DZIP3: variants seen among roughly 807,000 people sequenced by gnomAD.
The protein encoded by DZIP3 is DAZ interacting zinc finger protein 3.
DZIP3 carries 118 observed loss-of-function variants against 162.0 expected under a neutral mutation model. The observed-to-expected ratio is 0.73, with a 90% CI of 0.63 to 0.85. The LOEUF (loss-of-function observed/expected upper bound fraction) is 0.85, where lower values mean the gene tolerates loss of function less well. DZIP3 is among the 40% of genes least tolerant of loss of function. The pLI is 0.00. For synonymous variants in DZIP3, 438 were observed against 458.6 expected (o/e 0.96, Z 0.57); for missense variants, 1,331 against 1,407.0 (o/e 0.95, Z 0.86).
rs763550402 is a variant in DZIP3, at chr3:108,629,168, A to T, written c.688A>T (p.Thr230Ser). Reference sequence around the variant, plus strand: ...TACAGAAGATGAAGATTTACCTACAACTTTTAAAGTAAGAAATTATTTAAG... The same window carrying T: ...TACAGAAGATGAAGATTTACCTACATCTTTTAAAGTAAGAAATTATTTAAG... Reference protein sequence around the residue: ...DPTEDEDLPTTFKDLLNNFIK... With the variant: ...DPTEDEDLPTSFKDLLNNFIK... The change falls in exon 8 of 33, where the codon ACT becomes TCT. Residue 230 changes from threonine to serine, a missense_variant. Thr to Ser is a moderately conservative substitution (Grantham distance 58). This residue lies in a region of DZIP3 where 1,278 missense variants were observed against 1,317.1 expected (regional missense o/e 0.97). Coordinates refer to ENST00000361582, the MANE Select transcript of DZIP3 (RefSeq NM_014648.4). 3.2e-6 allele frequency: 5 copies of T among 1,561,222 alleles called. No homozygotes were observed. In the African/African-American group the frequency reaches 6.9e-5, roughly 22 times the overall value.
intron 4 of DZIP3, 116 bp downstream of exon 4, chr3:108,611,445 C>T (rs1347005542): frequency 7.8e-7 from 1 of 1,282,834 alleles, no homozygotes; most frequent in East Asian, 2.6e-5. Flanking sequence ...AAATCTCCAT[C>T]TTACTTCTTG....
intron 19 of DZIP3, among the ~76,000 whole-genome samples, chr3:108,657,683 A>G (rs1181267360): frequency 6.6e-6 from 1 of 152,238 alleles, no homozygotes; most frequent in East Asian, 1.9e-4. Flanking sequence ...CAATTAAAAG[A>G]CACAGAGTGG....
chr3:108,615,661 T>C (rs570103447), intron 4 of DZIP3, among the ~76,000 whole-genome samples: 1 of 152,268 alleles, frequency 6.6e-6, no homozygotes, highest in Admixed American at 6.5e-5. Flanking sequence ...AACCAAGCCG[T>C]TGTGGGTAGA....
chr3:108,623,957 C>T (rs1448831037), intron 5 of DZIP3, among the ~76,000 whole-genome samples: 3 of 152,206 alleles, frequency 2.0e-5, no homozygotes, highest in Non-Finnish European at 4.4e-5. Flanking sequence ...AGCGCAGATT[C>T]TCTCTCCATG....
intron 1 of DZIP3, among the ~76,000 whole-genome samples, chr3:108,597,962 A>G (rs905698641): frequency 2.6e-5 from 4 of 152,130 alleles, no homozygotes; most frequent in African/African-American, 9.7e-5. Flanking sequence ...GGTGTGAACT[A>G]TTGTCCATTT....
At chr3:108,678,233 C>T (rs1298171430) in intron 26 of DZIP3, among the ~76,000 whole-genome samples, 1 of 151,648 alleles carries the variant, frequency 6.6e-6, no homozygotes, top group Non-Finnish European at 1.5e-5. Flanking sequence ...AAGCTTGGGG[C>T]TCCCACTAAT....
intron 7 of DZIP3, 25 bp from the exon 8 acceptor site, chr3:108,629,037 A>C (rs370949846): frequency 2.7e-6 from 4 of 1,472,366 alleles, no homozygotes; most frequent in Non-Finnish European, 3.7e-6. Flanking sequence ...CGTTCAAACT[A>C]ACCTTATTTT....
chr3:108,648,197 G>T, intron 16 of DZIP3, 85 bp downstream of exon 16: 1 of 1,290,614 alleles, frequency 7.7e-7, no homozygotes, highest in Non-Finnish European at 1.0e-6. Flanking sequence ...AAGCATCCCA[G>T]ATAATTTTAG....
chr3:108,606,877 A>C (rs1220927965), intron 2 of DZIP3, among the ~76,000 whole-genome samples: 1 of 152,178 alleles, frequency 6.6e-6, no homozygotes, highest in Non-Finnish European at 1.5e-5. Context: ...AAAGCTTCAC[A>C]GTTGATTTTA....
At position 108,690,653 on chromosome 3, in the gene DZIP3, G is replaced by C. The variant is rs28558318; in HGVS notation, c.3517-134G>C. On this transcript the variant is annotated intron_variant, in intron 31 of 32. Coordinates refer to ENST00000361582, the MANE Select transcript of DZIP3 (RefSeq NM_014648.4). ...GAAGGTGCCATGGTTGCAGCAATTG[G>C]TTTGACGATCCACAGCGTAAGGCTT... The C allele has an allele frequency of 5.5e-3, 4,031 of 732,222 alleles. 124 individuals are homozygous for C. In the African/African-American group the frequency reaches 0.065, roughly 12 times the overall value. 45.4% of individuals were successfully genotyped at this position (732,222 alleles called of 1,614,324 possible). A position where few individuals can be genotyped will look rare whatever the true frequency, so the allele number is the denominator to read the frequency against.
chr3:108,635,313 G>C, intron 10 of DZIP3: 1 of 249,706 alleles, frequency 4.0e-6, no homozygotes, highest in Non-Finnish European at 7.9e-6. Flanking sequence ...ATGCACATAG[G>C]ATCATAGAAT....
At position 108,690,889 on chromosome 3, in the gene DZIP3, A is replaced by G. The variant is rs751865193; in HGVS notation, c.3619A>G (p.Lys1207Glu). 7.4e-6 allele frequency: 12 copies of G among 1,614,116 alleles called. No homozygotes were observed. The highest frequency in any genetic ancestry group is 1.0e-5 in the Non-Finnish European group (12 of 1,179,962). The change falls in exon 32 of 33, where the codon AAG (lysine) becomes GAG (glutamate). Residue 1207 changes from lysine (K) to glutamate (E), a missense_variant. Lys to Glu is a moderately conservative substitution (Grantham distance 56, BLOSUM62 1). Coordinates refer to ENST00000361582, the MANE Select transcript of DZIP3 (RefSeq NM_014648.4). ...TGGTCACCCCAGCCGGCAGTTGCCC[A>G]AGATCTGATACAAGGTCGGGGTGTC... The part of the protein sequence containing the change: ...FPGHPSRQLP[K>E]I
At chr3:108,624,776 C>T (rs1038436952) in intron 6 of DZIP3, among the ~76,000 whole-genome samples, 5 of 151,900 alleles carry the variant, frequency 3.3e-5, no homozygotes, top group Admixed American at 3.3e-4. Context: ...AATCGTATCC[C>T]TTTTGTAAAA....
chr3:108,599,314 CTGTA>C (rs1939870023), intron 1 of DZIP3, among the ~76,000 whole-genome samples: 1 of 152,128 alleles, frequency 6.6e-6, no homozygotes, highest in South Asian at 2.1e-4. Flanking sequence ...AATAAGCAAA[CTGTA>C]TGTTCTTTGG....
At chr3:108,616,495 G>T in intron 4 of DZIP3, 46 bp from the exon 5 acceptor site, 1 of 1,288,216 alleles carries the variant, frequency 7.8e-7, no homozygotes, top group Admixed American at 2.0e-5. Flanking sequence ...ATATGTAGAT[G>T]TTTGTTCAGA....
rs909388542 is a variant in DZIP3 at position 108,616,081 on chromosome 3, G to A, written c.259-460G>A. The stretch of plus-strand genomic sequence containing the variant: ...AGACCAAGACCATCCTAGCTAAAAT[G>A]GTGAAACCCCATCTCTACTAAAAAT... On this transcript the variant is annotated intron_variant, in intron 4 of 32. Coordinates refer to ENST00000361582, the MANE Select transcript of DZIP3 (RefSeq NM_014648.4). Among the ~76,000 whole-genome samples, 16 of 152,254 alleles carry A rather than the reference G, an allele frequency of 1.1e-4. 1 individual carries two copies. The highest frequency in any genetic ancestry group is 6.5e-4 in the Admixed American group (10 of 15,292).
chr3:108,644,281 T>C lies in DZIP3; in HGVS notation c.1259T>C (p.Leu420Pro), dbSNP rs200179052. ...TTTGATGAGGCTATGCCACCTCCTC[T>C]TTTGAAAAAAGAGCTTCTTATACAC... Reference protein sequence around the residue: ...QIFDEAMPPPLLKKELLIHKN... With the variant: ...QIFDEAMPPPPLKKELLIHKN... The change falls in exon 14 of 33, where the codon CTT (leucine) becomes CCT (proline). Residue 420 changes from leucine to proline, a missense_variant. Transcript: ENST00000361582. The C allele has an allele frequency of 2.2e-5, 35 of 1,614,010 alleles. No individual in the cohort carries two copies. The East Asian group carries it at 7.6e-4, about 35-fold the overall frequency.
At chr3:108,666,013 T>C (rs961077393) in intron 21 of DZIP3, among the ~76,000 whole-genome samples, 21 of 152,198 alleles carry the variant, frequency 1.4e-4, no homozygotes, top group African/African-American at 5.1e-4. Flanking sequence ...GCTTGAGACT[T>C]CAGAAAGGAA....
chr3:108,684,378 T>A (rs1944427273), intron 27 of DZIP3, 37 bp downstream of exon 27: 2 of 1,594,130 alleles, frequency 1.3e-6, no homozygotes, highest in Non-Finnish European at 1.7e-6. Flanking sequence ...GTTAATTAGT[T>A]TTTTTATTAC....
Sources: gnomAD v4.1 joint callset for allele counts (sites outside exome capture counted in the v4.1 genomes callset) on GRCh38, gnomAD v4.1.1 for gene constraint, gnomAD v4.1.1 regional missense constraint, MANE v1.5 for transcripts, NCBI Gene and HGNC (gene_info 2026-07-23, HGNC 2026-07-21) for gene names.